NPTXR: variants seen among roughly 807,000 people sequenced by gnomAD.
NPTXR encodes neuronal pentraxin receptor.
NPTXR carries 12 observed loss-of-function variants against 32.2 expected under a neutral mutation model. That is an observed-to-expected ratio of 0.37 (90% CI 0.24 to 0.60). NPTXR has a LOEUF of 0.60. NPTXR is among the 20% of genes least tolerant of loss of function. The pLI, the probability that NPTXR is intolerant of heterozygous loss-of-function variation, is 0.66. For missense variants in NPTXR, 612 were observed against 682.9 expected, an observed-to-expected ratio of 0.90 and a Z score of 1.16; for synonymous variants, 323 against 315.8, an observed-to-expected ratio of 1.02 and a Z score of -0.24.
chr22:38,843,309 A>AGGGCCCGTCGGCCATGGTGTCGCGGCG lies in NPTXR; in HGVS notation c.523_549dup (p.Arg175_Pro183dup). 1 of 1,430,204 alleles carries AGGGCCCGTCGGCCATGGTGTCGCGGCG rather than the reference A, an allele frequency of 7.0e-7. No individual in the cohort carries two copies. The highest frequency in any genetic ancestry group is 9.1e-7 in the Non-Finnish European group (1 of 1,098,734). 88.6% of individuals were successfully genotyped at this position (1,430,204 alleles called of 1,614,324 possible). ...TCCAGAATGAGCGCAGGCGAGTCCCAGGGCCCGTCGGCCATGGTGTCGCGG... is the reference window on the plus strand; with the variant it reads ...TCCAGAATGAGCGCAGGCGAGTCCCAGGGCCCGTCGGCCATGGTGTCGCGGCGGGGCCCGTCGGCCATGGTGTCGCGG... On this transcript the variant is annotated inframe_insertion, in exon 1 of 5. Coordinates refer to ENST00000333039, the MANE Select transcript of NPTXR (RefSeq NM_014293.4). This position sits in a 1 kb window ranked among gnomAD's most constrained non-coding sequence, Gnocchi z 5.3.
At position 38,828,219 on chromosome 22, in the gene NPTXR, T is replaced by C. The variant is rs1265243304; in HGVS notation, c.850+68A>G. On this transcript the variant is annotated intron_variant, in intron 2 of 4. Transcript: ENST00000333039. ...GATGTTAGCCTCCGGGGAGCATGGA[T>C]ATATTTTTTGAATGGCTCTGTCATC... 3 of 1,299,148 alleles carry C rather than the reference T, an allele frequency of 2.3e-6. No homozygotes were observed. The African/African-American group carries it at 4.4e-5, about 19-fold the overall frequency. 80.5% of individuals were successfully genotyped at this position (1,299,148 alleles called of 1,614,324 possible).
rs1051085828 is a variant in NPTXR at position 38,819,318 on chromosome 22, G to A, written c.*3291C>T. On this transcript the variant is annotated 3_prime_UTR_variant, in exon 5 of 5. Transcript: ENST00000333039. ...TGAGCTAAAGAAGGGCTGAAGCTCTGGCCCATGGTGGGAGGGACACATTCC... is the reference window on the plus strand; with the variant it reads ...TGAGCTAAAGAAGGGCTGAAGCTCTAGCCCATGGTGGGAGGGACACATTCC... 1 of 152,332 alleles carries A rather than the reference G, an allele frequency of 6.6e-6. No homozygotes were observed. Among genetic ancestry groups the A allele is most frequent in the Non-Finnish European group, 1.5e-5 (1 of 68,108 alleles). The allele number at this position is 152,332 out of a possible 1,614,324, so 9.4% of individuals were successfully genotyped here.
chr22:38,838,578 T>A (rs1264847171), intron 1 of NPTXR, among the ~76,000 whole-genome samples: 1 of 129,414 alleles, frequency 7.7e-6, no homozygotes, highest in Non-Finnish European at 1.6e-5. Flanking sequence ...TGGCTATTTT[T>A]TTTTTTTTTT....
chr22:38,843,112 G>T lies in NPTXR; in HGVS notation c.624+123C>A. On this transcript the variant is annotated intron_variant, in intron 1 of 4. Transcript: ENST00000333039. The surrounding 1 kb of genome is among the most constrained non-coding windows in gnomAD (Gnocchi z 5.3). ...CGAAATCCCCCCGCCTCGCCAGCGA[G>T]GAAGGCGCGATCGTCCCCGGAACAC... The T allele has an allele frequency of 9.9e-7, 1 of 1,012,822 alleles. No homozygotes were observed. The highest frequency in any genetic ancestry group is 1.3e-6 in the Non-Finnish European group (1 of 791,174). 62.7% of individuals were successfully genotyped at this position (1,012,822 alleles called of 1,614,324 possible). A position where few individuals can be genotyped will look rare whatever the true frequency, so the allele number is the denominator to read the frequency against.
rs563188362 is a variant in NPTXR at position 38,819,851 on chromosome 22, C to T, written c.*2758G>A. 4 of 152,710 alleles carry T rather than the reference C, an allele frequency of 2.6e-5. No individual in the cohort carries two copies. The highest frequency in any genetic ancestry group is 9.7e-5 in the African/African-American group (4 of 41,448). 9.5% of individuals were successfully genotyped at this position (152,710 alleles called of 1,614,324 possible). On this transcript the variant is annotated 3_prime_UTR_variant, in exon 5 of 5. Transcript: ENST00000333039. ...GAAGATAGGAAAAGCGGGACCCAAACAGTGGTGCTGGGGAAATTTGTTCCT... is the reference window on the plus strand; with the variant it reads ...GAAGATAGGAAAAGCGGGACCCAAATAGTGGTGCTGGGGAAATTTGTTCCT...
rs1342792520 is a variant in NPTXR, at chr22:38,843,917, G to T, written c.-59C>A. ...CGGCAGGCGCGGCGGCGGGGTCGGG[G>T]CGCGGAGCCCGGGCGCGCTGGGCCG... is the stretch of plus-strand genomic sequence containing the variant. On this transcript the variant is annotated 5_prime_UTR_variant, in exon 1 of 5. Transcript: ENST00000333039. This position sits in a 1 kb window ranked among gnomAD's most constrained non-coding sequence, Gnocchi z 5.3. 6.4e-5 allele frequency: 60 copies of T among 943,474 alleles called. No individual in the cohort carries two copies. The highest frequency in any genetic ancestry group is 7.3e-5 in the Non-Finnish European group (58 of 794,362). 58.4% of individuals were successfully genotyped at this position (943,474 alleles called of 1,614,324 possible). A position where few individuals can be genotyped will look rare whatever the true frequency, so the allele number is the denominator to read the frequency against.
At position 38,843,326 on chromosome 22, in the gene NPTXR, G is replaced by A. The variant is rs1307491061; in HGVS notation, c.533C>T (p.Thr178Ile). 2.1e-5 allele frequency: 30 copies of A among 1,421,136 alleles called. No homozygotes were observed. Among genetic ancestry groups the A allele is most frequent in the Non-Finnish European group, 2.6e-5 (29 of 1,095,392 alleles). The allele number at this position is 1,421,136 out of a possible 1,614,324, so 88.0% of individuals were successfully genotyped here. The change falls in exon 1 of 5, where the codon ACC (threonine) becomes ATC (isoleucine). Residue 178 changes from threonine (T) to isoleucine (I), a missense_variant. By Grantham distance (89) the Thr-to-Ile change is moderately conservative. Coordinates refer to ENST00000333039, the MANE Select transcript of NPTXR (RefSeq NM_014293.4). This position sits in a 1 kb window ranked among gnomAD's most constrained non-coding sequence, Gnocchi z 5.3. Reference sequence around the variant, plus strand: ...CGAGTCCCAGGGCCCGTCGGCCATGGTGTCGCGGCGGGGCCCGGCGCCCTG... The same window carrying A: ...CGAGTCCCAGGGCCCGTCGGCCATGATGTCGCGGCGGGGCCCGGCGCCCTG...
intron 2 of NPTXR, among the ~76,000 whole-genome samples, 189 bp downstream of exon 2, chr22:38,828,098 T>C (rs1159793644): frequency 6.6e-6 from 1 of 152,156 alleles, no homozygotes; most frequent in African/African-American, 2.4e-5. Flanking sequence ...TGCCAGAAAA[T>C]GAGATCTGTT....
At chr22:38,833,701 G>A (rs1258636906) in intron 1 of NPTXR, among the ~76,000 whole-genome samples, 1 of 145,976 alleles carries the variant, frequency 6.9e-6, no homozygotes, top group South Asian at 2.1e-4. Context: ...TTTTGAGACA[G>A]AGTCTCGCTG....
chr22:38,823,050 G>A (rs2093100693), intron 4 of NPTXR, 33 bp downstream of exon 4: 1 of 1,611,362 alleles, frequency 6.2e-7, no homozygotes, highest in Non-Finnish European at 8.5e-7. Context: ...GCACAATTAG[G>A]AGGTCCAGCC....
In NPTXR at chr22:38,843,595, C is replaced by T. The variant is rs2093135218; in HGVS notation, c.264G>A (p.Gly88=). Residue 88 remains glycine (G), a synonymous_variant, in exon 1 of 5, where the codon GGG becomes GGA. Transcript: ENST00000333039. This position sits in a 1 kb window ranked among gnomAD's most constrained non-coding sequence, Gnocchi z 5.3. Reference sequence around the variant, plus strand: ...TGCACAGGAAGCGGCTGAACAGGGGCCCGGGCGGCAGCGGGTGCGCGCTGG... The same window carrying T: ...TGCACAGGAAGCGGCTGAACAGGGGTCCGGGCGGCAGCGGGTGCGCGCTGG... The T allele has an allele frequency of 8.4e-7, 1 of 1,191,664 alleles. No individual in the cohort carries two copies. The highest frequency in any genetic ancestry group is 1.0e-6 in the Non-Finnish European group (1 of 962,806). 73.8% of individuals were successfully genotyped at this position (1,191,664 alleles called of 1,614,324 possible).
Position 38,834,600 on chromosome 22 carries a change from T to TCATC in NPTXR, c.625-6092_625-6089dup, listed in dbSNP as rs3042737. On this transcript the variant is annotated intron_variant, in intron 1 of 4. Coordinates refer to ENST00000333039, the MANE Select transcript of NPTXR (RefSeq NM_014293.4). The surrounding 1 kb of genome is among the most constrained non-coding windows in gnomAD (Gnocchi z 4.4). ...ACTCATCCATCCATCCATCCATCCA[T>TCATC]CATCCATCCATCCATCCATCCATCC... is the stretch of plus-strand genomic sequence containing the variant. Among the ~76,000 whole-genome samples, 73,622 of 147,246 alleles carry TCATC rather than the reference T, an allele frequency of 0.5. 18,513 individuals carry two copies. The highest frequency in any genetic ancestry group is 0.67 in the East Asian group (3,280 of 4,872).
chr22:38,832,928 AAGGGAGACTGAT>A (rs1448955578), intron 1 of NPTXR, among the ~76,000 whole-genome samples: 8 of 152,324 alleles, frequency 5.3e-5, no homozygotes, highest in Non-Finnish European at 8.8e-5. Flanking sequence ...CAGCTTCACA[AAGGGAGACTGAT>A]AGGAGGGTCC....
Position 38,821,125 on chromosome 22 carries a change from C to G in NPTXR, c.*1484G>C, listed in dbSNP as rs2093096399. On this transcript the variant is annotated 3_prime_UTR_variant, in exon 5 of 5. Transcript: ENST00000333039. ...GCCAGGCTGACTTCGAACTCCTGAC[C>G]TCAAGTGATCTGCCTGTCTCAGCCT... The G allele has an allele frequency of 6.6e-6, 1 of 152,250 alleles. No homozygotes were observed. Among genetic ancestry groups the G allele is most frequent in the Non-Finnish European group, 1.5e-5 (1 of 68,106 alleles). 9.4% of individuals were successfully genotyped at this position (152,250 alleles called of 1,614,324 possible).
At position 38,834,432 on chromosome 22, in the gene NPTXR, C is replaced by T. The variant is rs1308687558; in HGVS notation, c.625-5920G>A. Among the ~76,000 whole-genome samples, 1 of 152,092 alleles carries T rather than the reference C, an allele frequency of 6.6e-6. No homozygotes were observed. Among genetic ancestry groups the T allele is most frequent in the Non-Finnish European group, 1.5e-5 (1 of 68,010 alleles). ...GGCCTCCACACATGCTGTTCCTTCT[C>T]CAAGAACATTCTTCCCGCCCCCACC... On this transcript the variant is annotated intron_variant, in intron 1 of 4. Coordinates refer to ENST00000333039, the MANE Select transcript of NPTXR (RefSeq NM_014293.4). This position sits in a 1 kb window ranked among gnomAD's most constrained non-coding sequence, Gnocchi z 4.4.
rs1555882955 is a variant in NPTXR at position 38,834,577 on chromosome 22, TCATC to T, written c.625-6069_625-6066del. Among the ~76,000 whole-genome samples the T allele has an allele frequency of 3.5e-5, 5 of 144,116 alleles. No individual in the cohort carries two copies. Among genetic ancestry groups the T allele is most frequent in the South Asian group, 2.3e-4 (1 of 4,382 alleles). 94.5% of individuals were successfully genotyped at this position (144,116 alleles called of 152,430 possible). A position where few individuals can be genotyped will look rare whatever the true frequency, so the allele number is the denominator to read the frequency against. On this transcript the variant is annotated intron_variant, in intron 1 of 4. Transcript: ENST00000333039. The surrounding 1 kb of genome is among the most constrained non-coding windows in gnomAD (Gnocchi z 4.4). ...CTTCTCTGGCAGGGCTGCAGAGCACTCATCCATCCATCCATCCATCCATCATCCA... is the reference window on the plus strand; with the variant it reads ...CTTCTCTGGCAGGGCTGCAGAGCACTCATCCATCCATCCATCCATCATCCA...
At chr22:38,824,193 A>G (rs1270551902) in intron 3 of NPTXR, among the ~76,000 whole-genome samples, 1 of 145,176 alleles carries the variant, frequency 6.9e-6, no homozygotes, top group Admixed American at 7.0e-5. Context: ...GGATTTCACC[A>G]TATTGGCCAG....
rs2093135530 is a variant in NPTXR, at chr22:38,843,719, G to C, written c.140C>G (p.Ser47Trp). Residue 47 changes from serine (S) to tryptophan (W), a missense_variant, in exon 1 of 5, where the codon TCG becomes TGG. By Grantham distance (177) the Ser-to-Trp change is radical. Coordinates refer to ENST00000333039, the MANE Select transcript of NPTXR (RefSeq NM_014293.4). This position sits in a 1 kb window ranked among gnomAD's most constrained non-coding sequence, Gnocchi z 5.3. The stretch of plus-strand genomic sequence containing the variant: ...CGGGCCCGGGGACGCGGCGGCGCCC[G>C]AGGCGACCGAAGCATTGTCGGCGCC... The C allele has an allele frequency of 1.0e-6, 1 of 993,382 alleles. No individual in the cohort carries two copies. The highest frequency in any genetic ancestry group is 6.2e-5 in the Admixed American group (1 of 16,158). The allele number at this position is 993,382 out of a possible 1,614,324, so 61.5% of individuals were successfully genotyped here. A position where few individuals can be genotyped will look rare whatever the true frequency, so the allele number is the denominator to read the frequency against.
intron 3 of NPTXR, 115 bp from the exon 4 acceptor site, chr22:38,823,377 C>T (rs918094362): frequency 8.2e-6 from 7 of 851,780 alleles, no homozygotes; most frequent in Non-Finnish European, 1.3e-5. Context: ...GGCCCGACCC[C>T]AGGCCTGACC....
Sources: allele counts gnomAD v4.1 joint callset (sites outside exome capture counted in the v4.1 genomes callset), GRCh38; gene constraint gnomAD v4.1.1; non-coding constraint Gnocchi (gnomAD v3.1); transcripts MANE v1.5; gene names NCBI Gene and HGNC (gene_info 2026-07-23, HGNC 2026-07-21).